CDC123: variants seen among roughly 807,000 people sequenced by gnomAD.
CDC123 encodes the protein translation initiation factor eIF2 assembly protein.
Under a neutral mutation model 54.4 loss-of-function variants are expected in CDC123, and 37 were observed. The ratio of observed to expected loss-of-function variants is 0.68; its 90% CI spans 0.52 to 0.89. The LOEUF (loss-of-function observed/expected upper bound fraction) is 0.89. Ranked by LOEUF, CDC123 falls within the 40% of genes least tolerant of loss-of-function variation. The pLI is 0.00. For synonymous variants in CDC123, 144 were observed against 136.8 expected (o/e 1.05, Z -0.37); for missense variants, 361 against 412.1 (o/e 0.88, Z 1.07).
chr10:12,241,297 T>A (rs1164734659), intron 10 of CDC123, among the ~76,000 whole-genome samples: 4 of 152,228 alleles, frequency 2.6e-5, no homozygotes, highest in Non-Finnish European at 5.9e-5. Flanking sequence ...ATTACAGAGA[T>A]TAGGCCTTTG....
intron 2 of CDC123, among the ~76,000 whole-genome samples, chr10:12,206,695 A>C (rs996297498): frequency 3.3e-5 from 5 of 152,174 alleles, no homozygotes; most frequent in African/African-American, 9.6e-5. Flanking sequence ...GCGGTGGCTT[A>C]TGCCTGTAAT....
chr10:12,239,022 G>A (rs1016667303), intron 10 of CDC123, among the ~76,000 whole-genome samples: 1 of 152,008 alleles, frequency 6.6e-6, no homozygotes, highest in Non-Finnish European at 1.5e-5. Flanking sequence ...GGGCCTGGTG[G>A]TGTTTGCCTG....
intron 5 of CDC123, among the ~76,000 whole-genome samples, chr10:12,216,375 C>G (rs1269646147): frequency 6.6e-6 from 1 of 152,192 alleles, no homozygotes; most frequent in African/African-American, 2.4e-5. Flanking sequence ...AATCAGAGAC[C>G]TATTTGTAAT....
intron 10 of CDC123, chr10:12,245,445 T>A (rs888925194): frequency 1.3e-5 from 2 of 152,182 alleles, no homozygotes; most frequent in Admixed American, 6.5e-5. Context: ...TTTGTAGAGA[T>A]GGGGTTTCAC....
chr10:12,200,659 G>A (rs763520716), intron 2 of CDC123, among the ~76,000 whole-genome samples: 9 of 152,028 alleles, frequency 5.9e-5, no homozygotes, highest in Admixed American at 2.6e-4. Context: ...AGGGCTGGGC[G>A]CGGTGGCTCA....
intron 6 of CDC123, among the ~76,000 whole-genome samples, chr10:12,218,811 T>C (rs963311153): frequency 2.6e-5 from 4 of 152,248 alleles, no homozygotes; most frequent in Non-Finnish European, 4.4e-5. Flanking sequence ...CTAAAGAATT[T>C]GACAGTGCAG....
chr10:12,211,273 C>G (rs1041500795), intron 4 of CDC123, among the ~76,000 whole-genome samples: 2 of 151,978 alleles, frequency 1.3e-5, no homozygotes, highest in Non-Finnish European at 2.9e-5. Context: ...AGTGAAACTC[C>G]TTACAAGTAA....
chr10:12,212,745 C>T (rs1835619317), intron 4 of CDC123, among the ~76,000 whole-genome samples: 1 of 152,184 alleles, frequency 6.6e-6, no homozygotes, highest in Non-Finnish European at 1.5e-5. Flanking sequence ...GCTCATTCAG[C>T]CTCCCCAAGG....
chr10:12,216,614 A>G (rs1835668605), intron 5 of CDC123, among the ~76,000 whole-genome samples: 1 of 152,186 alleles, frequency 6.6e-6, no homozygotes, highest in Admixed American at 6.5e-5. Context: ...CCCCAGAGGT[A>G]GCTGTTTTCA....
chr10:12,210,939 G>A (rs1835589851), intron 4 of CDC123, among the ~76,000 whole-genome samples: 1 of 152,052 alleles, frequency 6.6e-6, no homozygotes, highest in Admixed American at 6.5e-5. Context: ...GACCTCATGT[G>A]ATAACACCCG....
intron 6 of CDC123, among the ~76,000 whole-genome samples, chr10:12,226,719 C>T (rs947700306): frequency 6.6e-6 from 1 of 151,456 alleles, no homozygotes; most frequent in African/African-American, 2.4e-5. Flanking sequence ...AGAGACGCTC[C>T]CCATTTCCTA....
intron 9 of CDC123, among the ~76,000 whole-genome samples, chr10:12,237,926 A>G (rs897492407): frequency 6.6e-6 from 1 of 152,236 alleles, no homozygotes; most frequent in Non-Finnish European, 1.5e-5. Context: ...GTTTTTAGGA[A>G]TTGAAAGTAT....
chr10:12,230,367 A>C (rs151289418), intron 6 of CDC123, among the ~76,000 whole-genome samples: 1 of 151,960 alleles, frequency 6.6e-6, no homozygotes, highest in Non-Finnish European at 1.5e-5. Flanking sequence ...TAATTTTTGT[A>C]TTTTTACTAG....
intron 8 of CDC123, among the ~76,000 whole-genome samples, chr10:12,236,349 A>G (rs1835976317): frequency 6.6e-6 from 1 of 152,176 alleles, no homozygotes; most frequent in African/African-American, 2.4e-5. Flanking sequence ...CTGTAATCCC[A>G]ACAGTTTGAG....
intron 12 of CDC123, chr10:12,249,933 G>A (rs1210357527): frequency 1.7e-6 from 1 of 594,832 alleles, no homozygotes; most frequent in Non-Finnish European, 2.7e-6. Context: ...TTTTTATGCT[G>A]TACATGCCTT....
At position 12,227,391 on chromosome 10, in the gene CDC123, C is replaced by G. The variant is rs554961656; in HGVS notation, c.441-3557C>G. ...GATTTTTAACCTCTGGTCTATTGTTCTCTTACATTCATTGGAACGTTTTCC... is the reference window on the plus strand; with the variant it reads ...GATTTTTAACCTCTGGTCTATTGTTGTCTTACATTCATTGGAACGTTTTCC... On this transcript the variant is annotated intron_variant, in intron 6 of 12. Coordinates refer to ENST00000281141, the MANE Select transcript of CDC123 (RefSeq NM_006023.3). 4.6e-5 allele frequency among the ~76,000 whole-genome samples: 7 copies of G among 152,204 alleles called. No individual in the cohort carries two copies. In the East Asian group the frequency reaches 1.4e-3, roughly 29 times the overall value.
intron 10 of CDC123, chr10:12,245,819 C>T: frequency 5.1e-6 from 1 of 196,318 alleles, no homozygotes; most frequent in Non-Finnish European, 1.0e-5. Flanking sequence ...GTCTGTAATC[C>T]CAGCACTTTG....
intron 10 of CDC123, among the ~76,000 whole-genome samples, chr10:12,243,038 A>G (rs1352250008): frequency 1.3e-5 from 2 of 150,814 alleles, no homozygotes; most frequent in Non-Finnish European, 3.0e-5. Context: ...TTTTTTTTGT[A>G]CTAGAGGATA....
At chr10:12,228,461 A>C (rs1835857732) in intron 6 of CDC123, among the ~76,000 whole-genome samples, 1 of 150,932 alleles carries the variant, frequency 6.6e-6, no homozygotes. Context: ...GCTGGAGTGC[A>C]GTGGCGCAAT....
Sources: gnomAD v4.1 joint callset for allele counts (sites outside exome capture counted in the v4.1 genomes callset) on GRCh38, gnomAD v4.1.1 for gene constraint, MANE v1.5 for transcripts, NCBI Gene and HGNC (gene_info 2026-07-23, HGNC 2026-07-21) for gene names.